Variants in POLR2F observed in about 807,000 individuals in gnomAD.
POLR2F encodes RNA polymerase II, I and III subunit F.
POLR2F carries 12 observed loss-of-function variants against 22.7 expected under a neutral mutation model. The observed-to-expected ratio is 0.53, with a 90% confidence interval of 0.34 to 0.86. The LOEUF is 0.86. Ranked by LOEUF, POLR2F falls within the 40% of genes least tolerant of loss-of-function variation. POLR2F has a pLI of 0.02. For synonymous variants in POLR2F, 57 were observed against 66.0 expected (o/e 0.86, Z 0.66); for missense variants, 126 against 171.5 (o/e 0.73, Z 1.48).
downstream of POLR2F, among the ~76,000 whole-genome samples, chr22:37,971,952 C>T (rs896614333): frequency 4.0e-5 from 6 of 151,758 alleles, no homozygotes; most frequent in East Asian, 7.7e-4. Flanking sequence ...AGGCTTCAGT[C>T]CCTGAGCTCA....
intron 1 of POLR2F, among the ~76,000 whole-genome samples, chr22:38,021,758 A>G (rs376645901): frequency 2.0e-5 from 3 of 151,588 alleles, no homozygotes; most frequent in African/African-American, 7.3e-5. Context: ...CACCTGGCCA[A>G]CCTTGTTGAT....
chr22:38,036,069 G>A (rs1450305441), intron 5 of POLR2F, among the ~76,000 whole-genome samples: 3 of 150,638 alleles, frequency 2.0e-5, no homozygotes, highest in African/African-American at 7.3e-5. Context: ...TCCGCCTCCC[G>A]GGTTCAAGCA....
At chr22:37,993,279 A>G (rs1932756115) in intron 1 of POLR2F, among the ~76,000 whole-genome samples, 1 of 152,184 alleles carries the variant, frequency 6.6e-6, no homozygotes, top group Admixed American at 6.5e-5. Context: ...GGAACTGACA[A>G]CGACAATGGG....
At position 38,016,856 on chromosome 22, in the gene POLR2F, G is replaced by A. The variant is rs2084920294; in HGVS notation, c.121-9013G>A. On this transcript the variant is annotated intron_variant, in intron 1 of 2. Coordinates refer to the POLR2F transcript ENST00000333418. The surrounding 1 kb of genome is among the most constrained non-coding windows in gnomAD (Gnocchi z 4.4). ...AGGAAAAAAAAAAAGATACAAGCTG[G>A]GGAGGGAAGAGGAGGGCAGAAAAGA... Among the ~76,000 whole-genome samples the A allele has an allele frequency of 1.3e-5, 2 of 152,102 alleles. No individual in the cohort carries two copies. The highest frequency in any genetic ancestry group is 2.9e-5 in the Non-Finnish European group (2 of 67,984).
At chr22:38,034,679 G>A (rs1188145307) in intron 5 of POLR2F, among the ~76,000 whole-genome samples, 1 of 152,156 alleles carries the variant, frequency 6.6e-6, no homozygotes, top group Admixed American at 6.5e-5. Context: ...TTCCCCTTGG[G>A]ACAGAATGAA....
intron 1 of POLR2F, among the ~76,000 whole-genome samples, chr22:37,995,649 G>A (rs967130299): frequency 2.0e-5 from 3 of 152,118 alleles, no homozygotes; most frequent in African/African-American, 7.2e-5. Context: ...CTGAATGAAT[G>A]AATGAGTGGT....
upstream of POLR2F, chr22:37,983,799 C>CCGA (rs1932484397): frequency 1.1e-5 from 15 of 1,420,844 alleles, no homozygotes; most frequent in Non-Finnish European, 1.3e-5. The surrounding 1 kb of genome is among the most constrained non-coding windows in gnomAD (Gnocchi z 9.5). Context: ...CCCCCGGCCG[C>CCGA]CGCCGCCGCC....
downstream of POLR2F, among the ~76,000 whole-genome samples, chr22:38,029,511 G>A (rs921843220): frequency 6.6e-6 from 1 of 152,196 alleles, no homozygotes; most frequent in Non-Finnish European, 1.5e-5. Context: ...CAGGGGCAAG[G>A]GGGTAATGGA....
At chr22:38,027,544 G>C (rs1666826195), downstream of POLR2F, among the ~76,000 whole-genome samples, 1 of 152,110 alleles carries the variant, frequency 6.6e-6, no homozygotes, top group South Asian at 2.1e-4. Flanking sequence ...TCCTCTCGCT[G>C]TGCTATTCTG....
rs8136718 is a variant in POLR2F at position 37,978,618 on chromosome 22, G to A, written c.293+11448G>A. 3.2e-3 allele frequency among the ~76,000 whole-genome samples: 480 copies of A among 152,280 alleles called. 3 individuals are homozygous for A. The highest frequency in any genetic ancestry group is 0.011 in the African/African-American group (463 of 41,542). ...ACTTACTAGCTGTGTGTGTGACCTTGAGCAAATTACTTCTCTGAGCCTGAG... is the reference window on the plus strand; with the variant it reads ...ACTTACTAGCTGTGTGTGTGACCTTAAGCAAATTACTTCTCTGAGCCTGAG... On this transcript the variant is annotated intron_variant, in intron 4 of 4. Transcript: ENST00000405557. This position sits in a 1 kb window ranked among gnomAD's most constrained non-coding sequence, Gnocchi z 5.0.
At chr22:37,989,681 G>A (rs542580679) in intron 1 of POLR2F, among the ~76,000 whole-genome samples, 1 of 152,250 alleles carries the variant, frequency 6.6e-6, no homozygotes, top group Non-Finnish European at 1.5e-5. Flanking sequence ...GGCACAAAGC[G>A]ATTCAGTGAC....
At chr22:37,971,315 A>C (rs751824758), downstream of POLR2F, 1 of 470,996 alleles carries the variant, frequency 2.1e-6, no homozygotes, top group South Asian at 1.5e-5. Flanking sequence ...AATTGAGATA[A>C]CGATCGGACC....
intron 1 of POLR2F, among the ~76,000 whole-genome samples, chr22:38,024,954 C>T (rs2084993750): frequency 6.6e-6 from 1 of 152,032 alleles, no homozygotes; most frequent in African/African-American, 2.4e-5. Context: ...GGGGCTGGCT[C>T]AACCATTGGT....
chr22:37,994,215 T>C (rs1008649284), intron 1 of POLR2F, among the ~76,000 whole-genome samples: 4 of 152,078 alleles, frequency 2.6e-5, no homozygotes, highest in Non-Finnish European at 5.9e-5. Context: ...AGCCCTGGGG[T>C]GTGTTCACAT....
At chr22:38,041,208 A>T, downstream of POLR2F, 1 of 1,552,010 alleles carries the variant, frequency 6.4e-7, no homozygotes, top group Non-Finnish European at 8.8e-7. Flanking sequence ...CAGGGAAGGG[A>T]TGTGAGGACA....
chr22:38,038,412 C>T (rs935026694), intron 5 of POLR2F, among the ~76,000 whole-genome samples: 23 of 152,072 alleles, frequency 1.5e-4, no homozygotes, highest in Non-Finnish European at 2.5e-4. Context: ...TGGCTCTGGC[C>T]GGGTCACAGG....
rs374693068 is a variant in POLR2F at position 37,959,386 on chromosome 22, G to A, written c.131G>A (p.Arg44Gln). ...GTCGAGATCCTCCCCTCTGGGGAGCGACCGCAGGCCAACCAGAAGCGAATC... is the reference window on the plus strand; with the variant it reads ...GTCGAGATCCTCCCCTCTGGGGAGCAACCGCAGGCCAACCAGAAGCGAATC... ...ENVEILPSGE[R>Q]PQANQKRITT... The change falls in exon 3 of 5, where the codon CGA (arginine) becomes CAA (glutamine). Residue 44 changes from arginine (R) to glutamine (Q), a missense_variant. Transcript: ENST00000442738. 2.9e-5 allele frequency: 47 copies of A among 1,613,844 alleles called. No individual in the cohort carries two copies. Among genetic ancestry groups the A allele is most frequent in the Admixed American group, 2.3e-4 (14 of 59,994 alleles).
At chr22:37,987,497 C>T (rs1424231340) in intron 1 of POLR2F, 1 of 356,554 alleles carries the variant, frequency 2.8e-6, no homozygotes, top group Non-Finnish European at 5.5e-6. Context: ...CCACTGGGTC[C>T]CTGGTCCCTC....
intron 1 of POLR2F, among the ~76,000 whole-genome samples, chr22:38,012,082 CTT>C (rs1235369974): frequency 1.0e-4 from 14 of 138,448 alleles, no homozygotes; most frequent in African/African-American, 1.1e-4. Context: ...TATTTTTATA[CTT>C]TTTTTTTTTT....
Sources: gnomAD v4.1 joint callset for allele counts (sites outside exome capture counted in the v4.1 genomes callset) on GRCh38, gnomAD v4.1.1 for gene constraint, Gnocchi (gnomAD v3.1) non-coding constraint, MANE v1.5 for transcripts, NCBI Gene and HGNC (gene_info 2026-07-23, HGNC 2026-07-21) for gene names.